SMG1: variants seen among roughly 807,000 people sequenced by gnomAD.
The protein encoded by SMG1 is serine/threonine-protein kinase SMG1.
SMG1 carries 22 observed loss-of-function variants against 419.9 expected under a neutral mutation model. The observed-to-expected ratio is 0.05, with a 90% CI of 0.04 to 0.07. The LOEUF (loss-of-function observed/expected upper bound fraction) is 0.07. Ranked by LOEUF, SMG1 falls within the 10% of genes least tolerant of loss-of-function variation. The probability of loss-of-function intolerance (pLI) is 1.00; values close to 1 mark genes in which losing one functional copy is unlikely to be tolerated. For synonymous variants in SMG1, 1,538 were observed against 1,553.5 expected (o/e 0.99, Z 0.23); for missense variants, 3,185 against 4,342.0 (o/e 0.73, Z 7.49).
At chr16:18,897,064 G>T in intron 1 of SMG1, 108 bp from the exon 2 acceptor site, 1 of 731,412 alleles carries the variant, frequency 1.4e-6, no homozygotes, top group Non-Finnish European at 2.3e-6. Context: ...TTACTATTTA[G>T]TGTAATATGT....
At position 18,815,559 on chromosome 16, in the gene SMG1, G is replaced by C; in HGVS notation, c.10395C>G (p.Asn3465Lys). The change falls in exon 59 of 63, where the codon AAC becomes AAG. Residue 3465 changes from asparagine to lysine, a missense_variant. Physicochemically the swap from Asn to Lys is moderately conservative, Grantham distance 94. Transcript: ENST00000446231. ...CTAATGTAAATAGAACTGTTTGAATGTTGTCTTGCCATGATTTATATTCAC... is the reference window on the plus strand; with the variant it reads ...CTAATGTAAATAGAACTGTTTGAATCTTGTCTTGCCATGATTTATATTCAC... Reference protein sequence around the residue: ...FLGEYKSWQDNIQTVLFTLVQ... With the variant: ...FLGEYKSWQDKIQTVLFTLVQ... The C allele has an allele frequency of 6.2e-7, 1 of 1,613,962 alleles. No individual in the cohort carries two copies.
intron 51 of SMG1, 61 bp from the exon 52 acceptor site, chr16:18,830,430 T>C (rs576605175): frequency 8.4e-6 from 13 of 1,556,218 alleles, no homozygotes; most frequent in African/African-American, 1.4e-5. Flanking sequence ...GGTGGGAACA[T>C]ACAAAGTCAG....
chr16:18,838,788 T>C, intron 42 of SMG1, 99 bp from the exon 43 acceptor site: 1 of 765,538 alleles, frequency 1.3e-6, no homozygotes, highest in Non-Finnish European at 2.2e-6. Context: ...ACCATTAACC[T>C]ACTCCCTTAT....
At chr16:18,832,652 G>A (rs967308378) in intron 51 of SMG1, among the ~76,000 whole-genome samples, 2 of 151,654 alleles carry the variant, frequency 1.3e-5, no homozygotes, top group Non-Finnish European at 2.9e-5. Context: ...CTGAGTAAGC[G>A]GTGTGGACTA....
chr16:18,817,567 T>G lies in SMG1; in HGVS notation c.9895-97A>C, dbSNP rs1303456040. 3 of 1,012,508 alleles carry G rather than the reference T, an allele frequency of 3.0e-6. No individual in the cohort carries two copies. In the African/African-American group the frequency reaches 4.9e-5, roughly 17 times the overall value. 62.7% of individuals were successfully genotyped at this position (1,012,508 alleles called of 1,614,324 possible). A position where few individuals can be genotyped will look rare whatever the true frequency, so the allele number is the denominator to read the frequency against. On this transcript the variant is annotated intron_variant, in intron 56 of 62. Transcript: ENST00000446231. ...ATGAAAAAATACTACTTCCTCATTT[T>G]GAGAATTCAGGACCAGAATTGGTCC...
At chr16:18,917,399 T>G (rs1284935766) in intron 1 of SMG1, among the ~76,000 whole-genome samples, 2 of 151,942 alleles carry the variant, frequency 1.3e-5, no homozygotes, top group Admixed American at 1.3e-4. Flanking sequence ...TCCACCCACC[T>G]TGCCCTCCCA....
At chr16:18,885,041 G>C in intron 8 of SMG1, 49 bp downstream of exon 8, 1 of 648,860 alleles carries the variant, frequency 1.5e-6, no homozygotes, top group Non-Finnish European at 2.7e-6. Flanking sequence ...GGGGACCACT[G>C]CTCCTCCCCG....
At chr16:18,843,402 G>T (rs891045340) in intron 39 of SMG1, among the ~76,000 whole-genome samples, 3 of 152,146 alleles carry the variant, frequency 2.0e-5, no homozygotes, top group Non-Finnish European at 4.4e-5. Context: ...TAATCACAGG[G>T]AACAGACTGT....
intron 4 of SMG1, 126 bp from the exon 5 acceptor site, chr16:18,891,047 C>T: frequency 3.1e-6 from 2 of 649,322 alleles, no homozygotes; most frequent in South Asian, 1.8e-5. Context: ...CTTTATTATT[C>T]CCACTCCCCA....
intron 1 of SMG1, among the ~76,000 whole-genome samples, chr16:18,904,983 C>A (rs913250676): frequency 6.6e-6 from 1 of 151,622 alleles, no homozygotes; most frequent in Admixed American, 6.6e-5. Context: ...AAAATAAGGC[C>A]GGGCACGGTG....
At chr16:18,830,438 C>T in intron 51 of SMG1, 69 bp from the exon 52 acceptor site, 7 of 1,516,698 alleles carry the variant, frequency 4.6e-6, no homozygotes, top group Non-Finnish European at 5.5e-6. Context: ...CATACAAAGT[C>T]AGTACATCTC....
At chr16:18,828,257 G>C in intron 54 of SMG1, 89 bp from the exon 55 acceptor site, 1 of 1,335,626 alleles carries the variant, frequency 7.5e-7, no homozygotes, top group Non-Finnish European at 1.0e-6. Context: ...AGGACTGGCG[G>C]AAGAGAAAAA....
In SMG1 at chr16:18,877,395, T is replaced by C. The variant is rs1254617310; in HGVS notation, c.1519-163A>G. The C allele has an allele frequency of 1.6e-4, 78 of 496,968 alleles. No individual in the cohort carries two copies. In the East Asian group the frequency reaches 2.5e-3, roughly 16 times the overall value. 30.8% of individuals were successfully genotyped at this position (496,968 alleles called of 1,614,324 possible). A position where few individuals can be genotyped will look rare whatever the true frequency, so the allele number is the denominator to read the frequency against. ...GGAAAAGGCAAAACGACGGAGACAG[T>C]AAAAAGATCAGGGATTGCCATGGGC... On this transcript the variant is annotated intron_variant, in intron 11 of 62. Transcript: ENST00000446231.
In SMG1 at chr16:18,838,116, G is replaced by C. The variant is rs1466940010; in HGVS notation, c.7311C>G (p.Val2437=). ...CGGCCTGCTGGCCACCTCCACCATA[G>C]ACAGCACCAGCAAACCCAGCCTCGC... ...AGGEAGFAGA[V]YGGGGQQAES... Residue 2437 remains valine (V), a synonymous_variant, in exon 45 of 63, where the codon GTC becomes GTG. Coordinates refer to ENST00000446231, the MANE Select transcript of SMG1 (RefSeq NM_015092.5). 1.9e-6 allele frequency: 3 copies of C among 1,613,790 alleles called. No individual in the cohort carries two copies. In the East Asian group the frequency reaches 6.7e-5, roughly 36 times the overall value.
At position 18,812,131 on chromosome 16, in the gene SMG1, C is replaced by A; in HGVS notation, c.10622-4G>T. ...TGGCCAGTGTTACTCCGGACTGCTA[C>A]AGAGAAAGAGTTGGTGGCTCAATTT... On this transcript the variant is annotated splice_region_variant and splice_polypyrimidine_tract_variant and intron_variant, in intron 60 of 62. Coordinates refer to ENST00000446231, the MANE Select transcript of SMG1 (RefSeq NM_015092.5). The A allele has an allele frequency of 6.2e-7, 1 of 1,608,450 alleles. No individual in the cohort carries two copies. Among genetic ancestry groups the A allele is most frequent in the Non-Finnish European group, 8.5e-7 (1 of 1,177,284 alleles).
At chr16:18,850,756 AT>A (rs34833240) in intron 33 of SMG1, among the ~76,000 whole-genome samples, 1,543 of 151,780 alleles carry the variant, frequency 0.01, 34 homozygotes, top group African/African-American at 0.035. Flanking sequence ...ACCTGCAGAA[AT>A]TTTTTTTTCC....
In SMG1 at chr16:18,838,615, A is replaced by G. The variant is rs2141276382; in HGVS notation, c.7020T>C (p.Asn2340=). ...CTCCAGTCGTCATATCTATAAGAAC[A>G]TTATCCAGATGTCTGTCTCCAAGGC... ...IIGLGDRHLD[N]VLIDMTTGEV... Residue 2340 remains asparagine (N), a synonymous_variant, in exon 43 of 63, where the codon AAT becomes AAC. Transcript: ENST00000446231. The G allele has an allele frequency of 6.2e-7, 1 of 1,613,802 alleles. No homozygotes were observed.
At chr16:18,919,657 TACACACACACACAC>T (rs368125844) in intron 1 of SMG1, among the ~76,000 whole-genome samples, 10,835 of 125,808 alleles carry the variant, frequency 0.086, 553 homozygotes, top group African/African-American at 0.14. Context: ...TGTGTATATA[TACACACACACACAC>T]ACACACACAC....
At position 18,833,046 on chromosome 16, in the gene SMG1, C is replaced by A; in HGVS notation, c.8686G>T (p.Asp2896Tyr). The A allele has an allele frequency of 6.2e-7, 1 of 1,613,956 alleles. No homozygotes were observed. Among genetic ancestry groups the A allele is most frequent in the Non-Finnish European group, 8.5e-7 (1 of 1,179,872 alleles). The change falls in exon 51 of 63, where the codon GAT becomes TAT. Residue 2896 changes from aspartate to tyrosine, a missense_variant. Physicochemically the swap from Asp to Tyr is radical, Grantham distance 160. This residue lies in a region of SMG1 where 737 missense variants were observed against 846.6 expected (regional missense o/e 0.87). Coordinates refer to ENST00000446231, the MANE Select transcript of SMG1 (RefSeq NM_015092.5). Reference protein sequence around the residue: ...ELDGLIEQTTDGVPLQTLVES... With the variant: ...ELDGLIEQTTYGVPLQTLVES... ...ACTAGAGTCTGCAGGGGAACGCCAT[C>A]GGTGGTCTGCTCAATAAGACCGTCC... is the stretch of plus-strand genomic sequence containing the variant.
Sources: allele counts gnomAD v4.1 joint callset (sites outside exome capture counted in the v4.1 genomes callset), GRCh38; gene constraint gnomAD v4.1.1; regional missense constraint gnomAD v4.1.1; transcripts MANE v1.5; gene names NCBI Gene and HGNC (gene_info 2026-07-23, HGNC 2026-07-21).